NRG1: variants seen among roughly 807,000 people sequenced by gnomAD.
NRG1 encodes pro-neuregulin-1, membrane-bound isoform.
In NRG1, 18 loss-of-function variants were observed where a neutral mutation model predicts 63.8. The ratio of observed to expected loss-of-function variants is 0.28; its 90% CI spans 0.19 to 0.42. The LOEUF (loss-of-function observed/expected upper bound fraction) is 0.42, where lower values mean the gene tolerates loss of function less well. NRG1 is among the 10% of genes least tolerant of loss of function. The pLI, the probability that NRG1 is intolerant of heterozygous loss-of-function variation, is 1.00. For synonymous variants in NRG1, 302 were observed against 301.3 expected (o/e 1.00, Z -0.02); for missense variants, 762 against 814.7 (o/e 0.94, Z 0.79).
intron 5 of NRG1, chr8:32,647,836 A>T: frequency 6.2e-7 from 1 of 1,613,908 alleles, no homozygotes; most frequent in Non-Finnish European, 8.5e-7. Flanking sequence ...GACATGCCAG[A>T]GCCCCAGACT....
chr8:32,222,104 T>C (rs965085323), intron 1 of NRG1, among the ~76,000 whole-genome samples: 6 of 151,972 alleles, frequency 3.9e-5, no homozygotes, highest in African/African-American at 1.5e-4. Flanking sequence ...CAGGAAGATA[T>C]GTGTAAATGT....
intron 1 of NRG1, among the ~76,000 whole-genome samples, chr8:32,159,331 G>C (rs941615124): frequency 1.4e-4 from 21 of 151,298 alleles, no homozygotes; most frequent in African/African-American, 5.1e-4. Context: ...TCAGGAGATC[G>C]AGACCATCCT....
intron 1 of NRG1, among the ~76,000 whole-genome samples, chr8:31,664,234 C>A (rs1361838689): frequency 6.6e-6 from 1 of 152,158 alleles, no homozygotes; most frequent in Non-Finnish European, 1.5e-5. Flanking sequence ...ACCAGGAATT[C>A]TTCCTAAAGG....
At chr8:32,362,400 C>T (rs1368376473) in intron 1 of NRG1, among the ~76,000 whole-genome samples, 1 of 152,100 alleles carries the variant, frequency 6.6e-6, no homozygotes, top group Admixed American at 6.5e-5. Context: ...ACGGAATATG[C>T]GATGTTGTGG....
chr8:32,370,433 T>C (rs1325518759), intron 1 of NRG1, among the ~76,000 whole-genome samples: 9 of 152,214 alleles, frequency 5.9e-5, no homozygotes, highest in Non-Finnish European at 1.3e-4. Flanking sequence ...TTTGAATCCC[T>C]ATCCTACAAA....
At chr8:32,093,085 CTA>C (rs1829414677) in intron 1 of NRG1, among the ~76,000 whole-genome samples, 2 of 152,224 alleles carry the variant, frequency 1.3e-5, no homozygotes, top group Admixed American at 1.3e-4. Flanking sequence ...GTTATTGTGT[CTA>C]TGTAGAAAGA....
At chr8:32,227,116 T>C (rs944899575) in intron 1 of NRG1, among the ~76,000 whole-genome samples, 4 of 152,172 alleles carry the variant, frequency 2.6e-5, no homozygotes, top group Admixed American at 6.5e-5. Flanking sequence ...ACTGAGCTGT[T>C]TGGACAAATG....
intron 11 of NRG1, 191 bp downstream of exon 11, chr8:32,760,597 G>T (rs979843586): frequency 7.9e-6 from 11 of 1,392,118 alleles, no homozygotes; most frequent in Middle Eastern, 2.7e-4. Context: ...AGCTTCTCTC[G>T]TCGTCCCAGT....
intron 1 of NRG1, among the ~76,000 whole-genome samples, chr8:32,069,774 G>A (rs145437908): frequency 6.6e-6 from 1 of 152,086 alleles, no homozygotes; most frequent in Non-Finnish European, 1.5e-5. Context: ...AGACTGAGGG[G>A]CACTCAGTTC....
In NRG1 at chr8:31,954,013, T is replaced by C. The variant is rs117395556; in HGVS notation, c.37+314582T>C. 2.0e-3 allele frequency among the ~76,000 whole-genome samples: 308 copies of C among 152,268 alleles called. 1 individual carries two copies. Among genetic ancestry groups the C allele is most frequent in the Middle Eastern group, 6.8e-3 (2 of 294 alleles). On this transcript the variant is annotated intron_variant, in intron 1 of 10. Transcript: ENST00000519301. ...AAATGTTAAACTACTGTCTGTTAAA[T>C]AGCTGGACCTTCATAAATGGTCACT...
chr8:32,672,920 G>GT (rs1228360391), intron 5 of NRG1, among the ~76,000 whole-genome samples: 1 of 151,982 alleles, frequency 6.6e-6, no homozygotes, highest in Admixed American at 6.6e-5. Context: ...AAAGAACTCT[G>GT]TTTTTTTCAT....
At chr8:32,471,548 C>T (rs935256679) in intron 1 of NRG1, among the ~76,000 whole-genome samples, 1 of 151,940 alleles carries the variant, frequency 6.6e-6, no homozygotes, top group Non-Finnish European at 1.5e-5. Flanking sequence ...TCAGATACAA[C>T]AGATGATACA....
At chr8:32,538,706 A>G (rs1271696887) in intron 1 of NRG1, among the ~76,000 whole-genome samples, 2 of 152,232 alleles carry the variant, frequency 1.3e-5, no homozygotes, top group African/African-American at 4.8e-5. Flanking sequence ...TGGCAGCCCA[A>G]TCATTCCGAA....
intron 5 of NRG1, among the ~76,000 whole-genome samples, chr8:32,636,341 A>G (rs1341101444): frequency 6.6e-6 from 1 of 152,152 alleles, no homozygotes; most frequent in Admixed American, 6.6e-5. Context: ...GATTTAGTTA[A>G]ATACGGATGC....
chr8:32,123,362 G>T (rs1833710254), intron 1 of NRG1, among the ~76,000 whole-genome samples: 1 of 151,912 alleles, frequency 6.6e-6, no homozygotes, highest in South Asian at 2.1e-4. Flanking sequence ...TTATAAAGGG[G>T]AGTTCCCCTA....
At chr8:32,000,935 AC>A (rs1234403784) in intron 1 of NRG1, among the ~76,000 whole-genome samples, 1 of 151,898 alleles carries the variant, frequency 6.6e-6, no homozygotes, top group Non-Finnish European at 1.5e-5. Context: ...TATTATAAAT[AC>A]CCCTATTACA....
chr8:32,297,996 C>G (rs191188212), intron 1 of NRG1, among the ~76,000 whole-genome samples: 8 of 152,110 alleles, frequency 5.3e-5, no homozygotes, highest in African/African-American at 1.9e-4. Context: ...TGATTAGAAC[C>G]CTTAGTTTAT....
chr8:32,300,499 G>T (rs1305054751), intron 1 of NRG1, among the ~76,000 whole-genome samples: 2 of 152,192 alleles, frequency 1.3e-5, no homozygotes, highest in Admixed American at 1.3e-4. Flanking sequence ...ACATTGCAGA[G>T]TAAGTCAATA....
chr8:32,428,656 G>T (rs1272484533), intron 1 of NRG1, among the ~76,000 whole-genome samples: 1 of 152,164 alleles, frequency 6.6e-6, no homozygotes, highest in African/African-American at 2.4e-5. Flanking sequence ...TAAATACCTG[G>T]TGCTGAGGTG....
Sources: allele counts gnomAD v4.1 joint callset (sites outside exome capture counted in the v4.1 genomes callset), GRCh38; gene constraint gnomAD v4.1.1; transcripts MANE v1.5; gene names NCBI Gene and HGNC (gene_info 2026-07-23, HGNC 2026-07-21).